TGFBR2: variants seen among roughly 807,000 people sequenced by gnomAD.
TGFBR2 encodes TGF-beta receptor type-2.
A neutral mutation model predicts 49.0 loss-of-function variants in TGFBR2; 18 were observed. That is an observed-to-expected ratio of 0.37 (90% CI 0.25 to 0.54). The LOEUF (loss-of-function observed/expected upper bound fraction) is 0.54. Ranked by LOEUF, TGFBR2 falls within the 20% of genes least tolerant of loss-of-function variation. TGFBR2 has a pLI of 0.85. For missense variants in TGFBR2, 525 were observed against 722.6 expected, an observed-to-expected ratio of 0.73 and a Z score of 3.13; for synonymous variants, 282 against 275.9, an observed-to-expected ratio of 1.02 and a Z score of -0.22.
At chr3:30,645,946 C>A (rs1347375018) in intron 2 of TGFBR2, among the ~76,000 whole-genome samples, 1 of 151,956 alleles carries the variant, frequency 6.6e-6, no homozygotes, top group Non-Finnish European at 1.5e-5. Flanking sequence ...TGAGCATGAA[C>A]AAGAAATAAC....
chr3:30,632,142 G>T (rs2125392791), intron 1 of TGFBR2, among the ~76,000 whole-genome samples: 1 of 152,162 alleles, frequency 6.6e-6, no homozygotes. Context: ...TTATTTCCTT[G>T]AAAAGTAAGC....
At chr3:30,671,501 A>C in intron 3 of TGFBR2, 137 bp from the exon 4 acceptor site, 1 of 884,776 alleles carries the variant, frequency 1.1e-6, no homozygotes, top group South Asian at 1.6e-5. Flanking sequence ...CATCCCTGAA[A>C]TAAAAATTAA....
chr3:30,608,724 GAC>G (rs936424554), intron 1 of TGFBR2, among the ~76,000 whole-genome samples: 6 of 152,168 alleles, frequency 3.9e-5, no homozygotes, highest in Non-Finnish European at 1.5e-5. Context: ...AAAAAGTCTT[GAC>G]ACACATTTGA....
At position 30,676,059 on chromosome 3, in the gene TGFBR2, C is replaced by T. The variant is rs1156325001; in HGVS notation, c.1396+1813C>T. Among the ~76,000 whole-genome samples the T allele has an allele frequency of 6.6e-6, 1 of 152,140 alleles. No homozygotes were observed. Among genetic ancestry groups the T allele is most frequent in the Non-Finnish European group, 1.5e-5 (1 of 68,034 alleles). On this transcript the variant is annotated intron_variant, in intron 5 of 6. Transcript: ENST00000295754. This position sits in a 1 kb window ranked among gnomAD's most constrained non-coding sequence, Gnocchi z 4.3. The stretch of plus-strand genomic sequence containing the variant: ...AGACAGTTATTTAGACGGTCTCTCA[C>T]TTTGGGTTTCACTAATGTTTTCTCA...
intron 2 of TGFBR2, 46 bp from the exon 3 acceptor site, chr3:30,650,224 C>G: frequency 6.4e-7 from 1 of 1,573,284 alleles, no homozygotes; most frequent in Non-Finnish European, 8.7e-7. Context: ...TATTCTCTTT[C>G]TCTCTCTCCC....
rs1037221349 is a variant in TGFBR2 at position 30,691,751 on chromosome 3, A to AGCAGCAGG, written c.*154_*161dup. 2.4e-5 allele frequency: 19 copies of AGCAGCAGG among 790,606 alleles called. No homozygotes were observed. In the African/African-American group the frequency reaches 3.3e-4, roughly 14 times the overall value. The allele number at this position is 790,606 out of a possible 1,614,324, so 49.0% of individuals were successfully genotyped here. A position where few individuals can be genotyped will look rare whatever the true frequency, so the allele number is the denominator to read the frequency against. On this transcript the variant is annotated 3_prime_UTR_variant, in exon 7 of 7. Coordinates refer to ENST00000295754, the MANE Select transcript of TGFBR2 (RefSeq NM_003242.6). The stretch of plus-strand genomic sequence containing the variant: ...AGCTGTGGGGATAAGCAGAAACAAC[A>AGCAGCAGG]GCAGCAGGGAGTGGGTGACATAGAG...
At chr3:30,645,806 G>T (rs567319998) in intron 2 of TGFBR2, among the ~76,000 whole-genome samples, 7 of 146,932 alleles carry the variant, frequency 4.8e-5, no homozygotes, top group Non-Finnish European at 9.0e-5. Flanking sequence ...ATTTTTATCG[G>T]ATCACATTTT....
chr3:30,611,874 A>G (rs1204032756), intron 1 of TGFBR2, among the ~76,000 whole-genome samples: 1 of 152,204 alleles, frequency 6.6e-6, no homozygotes, highest in Non-Finnish European at 1.5e-5. Context: ...CAAGTTCCAC[A>G]TAAAAGCATA....
At chr3:30,607,042 G>A in intron 1 of TGFBR2, 65 bp downstream of exon 1, 1 of 1,419,674 alleles carries the variant, frequency 7.0e-7, no homozygotes, top group Non-Finnish European at 9.6e-7. Flanking sequence ...CCGCCTCTCC[G>A]CTGCGCTTGA....
In TGFBR2 at chr3:30,606,676, C is replaced by T. The variant is rs1697924422; in HGVS notation, c.-208C>T. On this transcript the variant is annotated 5_prime_UTR_variant, in exon 1 of 7. Transcript: ENST00000295754. ...AGGAGCCGGACTCCTGTGCAGCTTCCCTCGGCCGCCGGGGGCCTCCCCGCG... is the reference window on the plus strand; with the variant it reads ...AGGAGCCGGACTCCTGTGCAGCTTCTCTCGGCCGCCGGGGGCCTCCCCGCG... 2.6e-6 allele frequency: 1 copy of T among 380,562 alleles called. No homozygotes were observed. Among genetic ancestry groups the T allele is most frequent in the East Asian group, 3.7e-5 (1 of 27,086 alleles). The allele number at this position is 380,562 out of a possible 1,614,324, so 23.6% of individuals were successfully genotyped here.
chr3:30,677,903 TC>T (rs992446287), intron 5 of TGFBR2, among the ~76,000 whole-genome samples: 11 of 152,060 alleles, frequency 7.2e-5, no homozygotes, highest in African/African-American at 2.4e-4. Flanking sequence ...AAATAATGAA[TC>T]CCCCTGTTTG....
At position 30,693,937 on chromosome 3, in the gene TGFBR2, ATTC is replaced by A. The variant is rs1250850840; in HGVS notation, c.*2341_*2343del. ...CTACTATACATAAAGGGAAAGTTTTATTCTTTTATGGAACACTTCAGCTGTACT... is the reference window on the plus strand; with the variant it reads ...CTACTATACATAAAGGGAAAGTTTTATTTTATGGAACACTTCAGCTGTACT... On this transcript the variant is annotated 3_prime_UTR_variant, in exon 7 of 7. Coordinates refer to ENST00000295754, the MANE Select transcript of TGFBR2 (RefSeq NM_003242.6). The A allele has an allele frequency of 4.3e-6, 1 of 230,158 alleles. No homozygotes were observed. Among genetic ancestry groups the A allele is most frequent in the Non-Finnish European group, 8.6e-6 (1 of 115,980 alleles). 14.3% of individuals were successfully genotyped at this position (230,158 alleles called of 1,614,324 possible).
chr3:30,650,939 T>C lies in TGFBR2; in HGVS notation c.454+479T>C, dbSNP rs11466499. Among the ~76,000 whole-genome samples the C allele has an allele frequency of 7.4e-3, 1,133 of 152,276 alleles. 10 individuals carry two copies. Among genetic ancestry groups the C allele is most frequent in the African/African-American group, 0.026 (1,080 of 41,552 alleles). ...GGAGGAGGACTTTCTTTATAACTGA[T>C]GTTGTTTCTTGTACATAGTCCCAGG... On this transcript the variant is annotated intron_variant, in intron 3 of 6. Transcript: ENST00000295754.
At chr3:30,610,178 A>G (rs1698002657) in intron 1 of TGFBR2, among the ~76,000 whole-genome samples, 2 of 152,344 alleles carry the variant, frequency 1.3e-5, no homozygotes, top group South Asian at 2.1e-4. Flanking sequence ...TCTCAGATGA[A>G]TAAGACAGAC....
intron 1 of TGFBR2, among the ~76,000 whole-genome samples, chr3:30,607,575 G>A (rs1184124023): frequency 6.6e-6 from 1 of 152,088 alleles, no homozygotes; most frequent in Non-Finnish European, 1.5e-5. Flanking sequence ...GGCATGGATG[G>A]ATAGGGAGTG....
intron 1 of TGFBR2, among the ~76,000 whole-genome samples, chr3:30,628,525 T>G (rs972546654): frequency 2.4e-4 from 29 of 122,682 alleles, no homozygotes; most frequent in East Asian, 5.4e-4. Flanking sequence ...AAAAAGCCTG[T>G]GGGTTTTTTT....
At chr3:30,632,819 GAAGTT>G (rs1326539834) in intron 1 of TGFBR2, among the ~76,000 whole-genome samples, 1 of 152,180 alleles carries the variant, frequency 6.6e-6, no homozygotes, top group Non-Finnish European at 1.5e-5. Context: ...GAGGTTTCAA[GAAGTT>G]AAGTGGCCCA....
intron 1 of TGFBR2, among the ~76,000 whole-genome samples, chr3:30,618,518 G>A (rs1698171403): frequency 6.6e-6 from 1 of 150,620 alleles, no homozygotes. Context: ...TTACAGGCAC[G>A]AGCCATCGTG....
At chr3:30,674,081 C>G (rs1481360895) in intron 4 of TGFBR2, 24 bp from the exon 5 acceptor site, 1 of 1,613,944 alleles carries the variant, frequency 6.2e-7, no homozygotes, top group Admixed American at 1.7e-5. Context: ...AAATGATGGG[C>G]CTCACTGTCT....
Sources: allele counts gnomAD v4.1 joint callset (sites outside exome capture counted in the v4.1 genomes callset), GRCh38; gene constraint gnomAD v4.1.1; non-coding constraint Gnocchi (gnomAD v3.1); transcripts MANE v1.5; gene names NCBI Gene and HGNC (gene_info 2026-07-23, HGNC 2026-07-21).